The following GOLM2 variants were observed in gnomAD, a reference collection of about 807,000 sequenced individuals.
GOLM2 encodes protein GOLM2.
In GOLM2, 26 loss-of-function variants were observed where a neutral mutation model predicts 55.9. That is an observed-to-expected ratio of 0.47 (90% CI 0.34 to 0.65). The LOEUF (loss-of-function observed/expected upper bound fraction) is 0.65. Among genes scored for constraint, GOLM2 ranks in the 30% least tolerant of loss-of-function variants. The pLI, the probability that GOLM2 is intolerant of heterozygous loss-of-function variation, is 0.01. For synonymous variants in GOLM2, 165 were observed against 194.6 expected (o/e 0.85, Z 1.27); for missense variants, 486 against 531.8 (o/e 0.91, Z 0.85).
chr15:44,393,897 TGGCCA>T (rs1462712783), intron 8 of GOLM2, among the ~76,000 whole-genome samples: 1 of 152,196 alleles, frequency 6.6e-6, no homozygotes, highest in East Asian at 1.9e-4. Context: ...TTCACTATGT[TGGCCA>T]GGCTGGTCTC....
intron 1 of GOLM2, chr15:44,308,263 T>A (rs1054030862): frequency 2.0e-5 from 3 of 152,226 alleles, no homozygotes; most frequent in African/African-American, 7.2e-5. Context: ...TTCTAGTTTC[T>A]GTGTCTATGA....
chr15:44,389,108 C>T (rs2079470015), intron 8 of GOLM2, among the ~76,000 whole-genome samples: 2 of 152,080 alleles, frequency 1.3e-5, no homozygotes, highest in South Asian at 4.1e-4. Flanking sequence ...TGAGCCACCA[C>T]GTCCAGCTTG....
chr15:44,413,570 GTGAACTTTTTCATATT>G lies in GOLM2; in HGVS notation c.*165_*180del. 1.9e-6 allele frequency: 1 copy of G among 522,264 alleles called. No individual in the cohort carries two copies. Among genetic ancestry groups the G allele is most frequent in the Non-Finnish European group, 3.4e-6 (1 of 292,338 alleles). 32.4% of individuals were successfully genotyped at this position (522,264 alleles called of 1,614,324 possible). A position where few individuals can be genotyped will look rare whatever the true frequency, so the allele number is the denominator to read the frequency against. ...TGAAGGAATGTACCCATGTACATAT[GTGAACTTTTTCATATT>G]GTATTATCAAGGTATAGACTTTTTT... On this transcript the variant is annotated 3_prime_UTR_variant, in exon 10 of 10. Coordinates refer to ENST00000299957, the MANE Select transcript of GOLM2 (RefSeq NM_138423.4).
chr15:44,364,312 C>T (rs2079267096), intron 6 of GOLM2, among the ~76,000 whole-genome samples: 1 of 152,020 alleles, frequency 6.6e-6, no homozygotes. Context: ...TTGCTTGAGC[C>T]TAGGAGTTTG....
At chr15:44,365,366 A>G (rs1329848787) in intron 6 of GOLM2, among the ~76,000 whole-genome samples, 2 of 152,092 alleles carry the variant, frequency 1.3e-5, no homozygotes, top group South Asian at 2.1e-4. Context: ...ATCTCTACAG[A>G]GAATACAAAA....
intron 1 of GOLM2, among the ~76,000 whole-genome samples, chr15:44,310,846 A>G (rs1408381670): frequency 1.3e-5 from 2 of 152,234 alleles, no homozygotes; most frequent in South Asian, 2.1e-4. Flanking sequence ...GTGAAACCCC[A>G]TATCTACTAA....
intron 8 of GOLM2, among the ~76,000 whole-genome samples, chr15:44,401,971 A>T (rs1305538922): frequency 6.6e-6 from 1 of 151,708 alleles, no homozygotes; most frequent in Non-Finnish European, 1.5e-5. Flanking sequence ...CTGGGATTAC[A>T]GGCATCTGCC....
In GOLM2 at chr15:44,328,739, A is replaced by C. The variant is rs529953367; in HGVS notation, c.437A>C (p.Asp146Ala). ...EFLRQEDQLQDYRKNNTYLVK... is the reference protein window; with the variant it reads ...EFLRQEDQLQAYRKNNTYLVK... ...CTTCGACAAGAAGACCAGCTTCAGG[A>C]CTATAGGAAGAACAATACTTACCTT... Residue 146 changes from aspartate to alanine, a missense_variant, in exon 3 of 10, where the codon GAC (aspartate) becomes GCC (alanine). Transcript: ENST00000299957. The C allele has an allele frequency of 6.2e-7, 1 of 1,613,276 alleles. No individual in the cohort carries two copies. The highest frequency in any genetic ancestry group is 1.3e-5 in the African/African-American group (1 of 75,002).
At chr15:44,369,204 ATATGTGTGTGTG>A (rs1196077883) in intron 6 of GOLM2, among the ~76,000 whole-genome samples, 39 of 131,842 alleles carry the variant, frequency 3.0e-4, no homozygotes, top group Admixed American at 9.9e-4. Flanking sequence ...ATATATATAT[ATATGTGTGTGTG>A]TGTGTGTGTG....
intron 6 of GOLM2, among the ~76,000 whole-genome samples, chr15:44,339,336 A>C (rs1465707858): frequency 6.6e-6 from 1 of 152,096 alleles, no homozygotes; most frequent in African/African-American, 2.4e-5. Flanking sequence ...ATTTTTTAAA[A>C]TTAATTAATT....
intron 1 of GOLM2, chr15:44,307,655 G>C (rs537950443): frequency 2.0e-5 from 3 of 152,300 alleles, no homozygotes; most frequent in African/African-American, 7.2e-5. Flanking sequence ...GGGATAGAAA[G>C]ATAGTAAGAT....
At chr15:44,365,678 G>C (rs922471090) in intron 6 of GOLM2, among the ~76,000 whole-genome samples, 7 of 152,106 alleles carry the variant, frequency 4.6e-5, no homozygotes, top group Admixed American at 2.0e-4. Context: ...AGTTGCAAGG[G>C]GATGGGGTAG....
intron 6 of GOLM2, among the ~76,000 whole-genome samples, chr15:44,367,980 A>T (rs2079297610): frequency 6.6e-6 from 1 of 151,872 alleles, no homozygotes; most frequent in Non-Finnish European, 1.5e-5. Flanking sequence ...TTTTGTATTT[A>T]TCCTGCTTAG....
intron 6 of GOLM2, among the ~76,000 whole-genome samples, chr15:44,341,805 T>C (rs922920500): frequency 6.6e-6 from 1 of 150,764 alleles, no homozygotes; most frequent in African/African-American, 2.4e-5. Context: ...TAAGCAGTTC[T>C]CTGCCTCAGC....
intron 8 of GOLM2, among the ~76,000 whole-genome samples, chr15:44,395,950 C>T (rs529760492): frequency 6.6e-6 from 1 of 152,030 alleles, no homozygotes; most frequent in Non-Finnish European, 1.5e-5. Context: ...TATAAGTGTT[C>T]ATTTATTTAT....
intron 6 of GOLM2, among the ~76,000 whole-genome samples, chr15:44,364,301 A>C (rs1458952326): frequency 6.6e-6 from 1 of 152,124 alleles, no homozygotes; most frequent in Non-Finnish European, 1.5e-5. Flanking sequence ...AGGCAGGTGG[A>C]TTGCTTGAGC....
intron 1 of GOLM2, among the ~76,000 whole-genome samples, chr15:44,293,206 G>C (rs975644500): frequency 1.3e-5 from 2 of 152,188 alleles, no homozygotes; most frequent in East Asian, 3.8e-4. Flanking sequence ...CCAGGTGTGA[G>C]CTACCATACC....
chr15:44,348,668 T>C (rs7164709), intron 6 of GOLM2: 15,784 of 152,144 alleles, frequency 0.1, 1,764 homozygotes, highest in African/African-American at 0.27. Context: ...AGCAAACATA[T>C]GTGGTAGCCA....
At chr15:44,396,551 TACTC>T (rs2079528389) in intron 8 of GOLM2, among the ~76,000 whole-genome samples, 1 of 152,156 alleles carries the variant, frequency 6.6e-6, no homozygotes, top group African/African-American at 2.4e-5. Context: ...CCAAAGCCCT[TACTC>T]ATTTTTTTCT....
Sources: gnomAD v4.1 joint callset for allele counts (sites outside exome capture counted in the v4.1 genomes callset) on GRCh38, gnomAD v4.1.1 for gene constraint, MANE v1.5 for transcripts, NCBI Gene and HGNC (gene_info 2026-07-23, HGNC 2026-07-21) for gene names.